Variants in AFF1 observed in about 807,000 individuals in gnomAD.
The protein encoded by AFF1 is AF4/FMR2 family member 1.
AFF1 carries 48 observed loss-of-function variants against 121.7 expected under a neutral mutation model. That is an observed-to-expected ratio of 0.39 (90% CI 0.31 to 0.50). AFF1 has a LOEUF of 0.50. Ranked by LOEUF, AFF1 falls within the 20% of genes least tolerant of loss-of-function variation. The pLI is 0.76. For missense variants in AFF1, 1,523 were observed against 1,511.7 expected, an observed-to-expected ratio of 1.01 and a Z score of -0.12; for synonymous variants, 613 against 563.0, an observed-to-expected ratio of 1.09 and a Z score of -1.26.
intron 4 of AFF1, among the ~76,000 whole-genome samples, chr4:87,062,016 A>C (rs1720838484): frequency 6.6e-6 from 1 of 152,180 alleles, no homozygotes; most frequent in Non-Finnish European, 1.5e-5. Context: ...AAATACTAAC[A>C]AGGTTAGTCT....
chr4:87,038,737 A>G (rs1171894930), intron 2 of AFF1, among the ~76,000 whole-genome samples: 10 of 152,234 alleles, frequency 6.6e-5, no homozygotes, highest in Non-Finnish European at 1.5e-4. Context: ...AACAGTAATA[A>G]GACTTAATCC....
chr4:87,126,092 A>G lies in AFF1; in HGVS notation c.2574-7A>G, dbSNP rs574764828. ...TCCTCTTAGTTTTACGTGATGTTTC[A>G]CTCCAGGCCCTCCAGGCCCTCCTCA... On this transcript the variant is annotated splice_region_variant and splice_polypyrimidine_tract_variant and intron_variant, in intron 13 of 20. Coordinates refer to ENST00000395146, the MANE Select transcript of AFF1 (RefSeq NM_001166693.3). The G allele has an allele frequency of 6.2e-7, 1 of 1,613,114 alleles. No homozygotes were observed. The highest frequency in any genetic ancestry group is 8.5e-7 in the Non-Finnish European group (1 of 1,179,412).
chr4:87,051,394 T>A (rs1465404980), intron 4 of AFF1, among the ~76,000 whole-genome samples: 2 of 150,058 alleles, frequency 1.3e-5, no homozygotes, highest in Non-Finnish European at 2.9e-5. Flanking sequence ...CTTTCATCAT[T>A]CCTCTTTTTC....
intron 2 of AFF1, among the ~76,000 whole-genome samples, chr4:87,026,244 T>A (rs569318628): frequency 6.6e-6 from 1 of 152,180 alleles, no homozygotes; most frequent in South Asian, 2.1e-4. Flanking sequence ...ATTAAAAATT[T>A]GCCATGCACA....
chr4:86,998,213 T>C (rs941744450), intron 2 of AFF1, among the ~76,000 whole-genome samples: 1 of 150,972 alleles, frequency 6.6e-6, no homozygotes, highest in African/African-American at 2.4e-5. Flanking sequence ...TCATGAGAGA[T>C]AGAAGTTTCT....
chr4:86,940,458 G>A (rs957797645), intron 1 of AFF1, among the ~76,000 whole-genome samples: 1 of 152,178 alleles, frequency 6.6e-6, no homozygotes, highest in African/African-American at 2.4e-5. Flanking sequence ...CTGGAGTGCA[G>A]TGGTGCAATC....
intron 2 of AFF1, among the ~76,000 whole-genome samples, chr4:87,018,925 A>AG (rs1233839258): frequency 6.6e-6 from 1 of 152,236 alleles, no homozygotes; most frequent in Admixed American, 6.5e-5. Flanking sequence ...AAAGGCCCCC[A>AG]GGTCAGTGAG....
At chr4:87,001,785 C>G (rs1578032035) in intron 2 of AFF1, among the ~76,000 whole-genome samples, 1 of 152,216 alleles carries the variant, frequency 6.6e-6, no homozygotes, top group East Asian at 1.9e-4. Context: ...TCCTTGCTGT[C>G]TGCCTTCTGG....
In AFF1 at chr4:87,090,996, C is replaced by T. The variant is rs116698622; in HGVS notation, c.1192-797C>T. ...AGCCACTACACTCCAGCCTAGACAA[C>T]GGTGAGACCCCGTCTCTCTACCACC... On this transcript the variant is annotated intron_variant, in intron 6 of 20. Coordinates refer to ENST00000395146, the MANE Select transcript of AFF1 (RefSeq NM_001166693.3). Among the ~76,000 whole-genome samples, 973 of 115,052 alleles carry T rather than the reference C, an allele frequency of 8.5e-3. 11 individuals are homozygous for T. Among genetic ancestry groups the T allele is most frequent in the African/African-American group, 0.031 (898 of 29,088 alleles). 75.5% of individuals were successfully genotyped at this position (115,052 alleles called of 152,430 possible).
chr4:87,018,241 A>G (rs534717465), intron 2 of AFF1, among the ~76,000 whole-genome samples: 3 of 152,248 alleles, frequency 2.0e-5, no homozygotes, highest in Non-Finnish European at 4.4e-5. Context: ...TTAGATAAAT[A>G]CACTGTCTCC....
chr4:87,102,107 T>C (rs554520016), intron 8 of AFF1, among the ~76,000 whole-genome samples: 30 of 152,356 alleles, frequency 2.0e-4, no homozygotes. Context: ...GAGAATTGTT[T>C]GTTACCTGTA....
At chr4:86,971,136 A>C (rs1163118922) in intron 2 of AFF1, among the ~76,000 whole-genome samples, 2 of 152,142 alleles carry the variant, frequency 1.3e-5, no homozygotes, top group African/African-American at 4.8e-5. Context: ...GTGGATGGGG[A>C]TTATCTTTCC....
intron 14 of AFF1, among the ~76,000 whole-genome samples, chr4:87,126,678 T>C (rs929388226): frequency 3.3e-5 from 5 of 152,194 alleles, no homozygotes; most frequent in African/African-American, 1.2e-4. Context: ...TTCTTGGTTA[T>C]AGTGGGGAAA....
intron 2 of AFF1, among the ~76,000 whole-genome samples, chr4:87,000,605 C>CTG (rs57615388): frequency 0.039 from 5,720 of 146,380 alleles, 143 homozygotes; most frequent in East Asian, 0.11. Context: ...AAAATAAACT[C>CTG]TGTGTGTGTG....
chr4:86,996,672 T>C (rs1725235310), intron 2 of AFF1, among the ~76,000 whole-genome samples: 1 of 152,092 alleles, frequency 6.6e-6, no homozygotes, highest in African/African-American at 2.4e-5. Flanking sequence ...ACTATTGTCC[T>C]GTGACCCTGC....
intron 2 of AFF1, among the ~76,000 whole-genome samples, chr4:86,994,616 T>G (rs1724973021): frequency 6.6e-6 from 1 of 152,122 alleles, no homozygotes; most frequent in African/African-American, 2.4e-5. Context: ...AAGCAAACAC[T>G]CCCCTTGATC....
rs1239374510 is a variant in AFF1, at chr4:86,948,548, AAG to A, written c.18_19del (p.Arg6SerfsTer11). 2.0e-6 allele frequency: 3 copies of A among 1,537,008 alleles called. No homozygotes were observed. Among genetic ancestry groups the A allele is most frequent in the Non-Finnish European group, 2.6e-6 (3 of 1,146,738 alleles). ...GACTGGAAACAATGGCATTTACAGA[AAG>A]AGTCAACAGCAGTGGCAACAGGTAA... The part of the protein sequence containing the change: MAFTE[R>X]VNSSGNSLYN... On this transcript the variant is annotated frameshift_variant, in exon 2 of 21. Coordinates refer to ENST00000395146, the MANE Select transcript of AFF1 (RefSeq NM_001166693.3). LOFTEE classifies it high-confidence loss of function.
chr4:86,977,618 A>G lies in AFF1; in HGVS notation c.38+29047A>G, dbSNP rs952273342. Among the ~76,000 whole-genome samples, 8 of 152,070 alleles carry G rather than the reference A, an allele frequency of 5.3e-5. 1 individual carries two copies. The highest frequency in any genetic ancestry group is 1.4e-4 in the African/African-American group (6 of 41,400). ...TTCACCTGTGTTCCCATGGTGTCTT[A>G]TCTCTGCTGTGGCGTTTTCCTATTG... On this transcript the variant is annotated intron_variant, in intron 2 of 20. Coordinates refer to ENST00000395146, the MANE Select transcript of AFF1 (RefSeq NM_001166693.3).
chr4:87,109,928 C>A (rs569336459), intron 11 of AFF1, among the ~76,000 whole-genome samples: 3 of 152,130 alleles, frequency 2.0e-5, no homozygotes, highest in Non-Finnish European at 2.9e-5. Flanking sequence ...GCTTATCCTC[C>A]TGGGAATATT....
Sources: gnomAD v4.1 joint callset for allele counts (sites outside exome capture counted in the v4.1 genomes callset) on GRCh38, gnomAD v4.1.1 for gene constraint, MANE v1.5 for transcripts, NCBI Gene and HGNC (gene_info 2026-07-23, HGNC 2026-07-21) for gene names.